AKAP9: variants seen among roughly 807,000 people sequenced by gnomAD.
The protein encoded by AKAP9 is A-kinase anchor protein 9.
In AKAP9, 311 loss-of-function variants were observed where a neutral mutation model predicts 488.5. The observed-to-expected ratio is 0.64, with a 90% CI of 0.58 to 0.70. AKAP9 has a LOEUF of 0.70. Among genes scored for constraint, AKAP9 ranks in the 30% least tolerant of loss-of-function variants. AKAP9 has a pLI of 0.00. For missense variants in AKAP9, 4,215 were observed against 4,374.5 expected (o/e 0.96, Z 1.03); for synonymous variants, 1,462 against 1,483.5 (o/e 0.99, Z 0.33).
chr7:92,069,956 G>GGGATAACTCA lies in AKAP9; in HGVS notation c.6331-73_6331-64dup, dbSNP rs1404258286. Reference sequence around the variant, plus strand: ...TTTGGATTGTAGATATCCAAAATGAGGGATAACTCAACCTATACTAACTAG... The same window carrying GGGATAACTCA: ...TTTGGATTGTAGATATCCAAAATGAGGGATAACTCAGGATAACTCAACCTATACTAACTAG... On this transcript the variant is annotated intron_variant, in intron 26 of 49. Coordinates refer to ENST00000356239, the MANE Select transcript of AKAP9 (RefSeq NM_005751.5). 1.8e-5 allele frequency: 24 copies of GGGATAACTCA among 1,330,528 alleles called. No individual in the cohort carries two copies. In the African/African-American group the frequency reaches 3.4e-4, roughly 19 times the overall value. The allele number at this position is 1,330,528 out of a possible 1,614,324, so 82.4% of individuals were successfully genotyped here. A position where few individuals can be genotyped will look rare whatever the true frequency, so the allele number is the denominator to read the frequency against.
intron 16 of AKAP9, among the ~76,000 whole-genome samples, chr7:92,033,338 G>A (rs762145119): frequency 2.6e-5 from 4 of 151,860 alleles, no homozygotes; most frequent in African/African-American, 9.7e-5. Context: ...GAATAATATA[G>A]ATTGTTGATA....
intron 30 of AKAP9, 126 bp from the exon 31 acceptor site, chr7:92,078,953 T>A (rs538913235): frequency 1.6e-6 from 1 of 608,530 alleles, no homozygotes; most frequent in East Asian, 2.9e-5. Flanking sequence ...AAGTAGTATG[T>A]CTGAGAAGTA....
At position 92,045,176 on chromosome 7, in the gene AKAP9, A is replaced by G. The variant is rs1269565211; in HGVS notation, c.5331A>G (p.Ala1777=). ...ASLIWRSEAE[A]SVKSCVHEEH... is the part of the protein sequence containing the mutation. ...TAATTTGGAGGTCAGAAGCAGAGGC[A>G]TCTGTAAAGTCATGTGTCCATGAGG... Residue 1777 remains alanine, a synonymous_variant, in exon 21 of 50, where the codon GCA becomes GCG. Transcript: ENST00000356239. 1.9e-6 allele frequency: 3 copies of G among 1,614,024 alleles called. No individual in the cohort carries two copies. Among genetic ancestry groups the G allele is most frequent in the Non-Finnish European group, 2.5e-6 (3 of 1,179,982 alleles).
intron 4 of AKAP9, 41 bp from the exon 5 acceptor site, chr7:91,992,844 A>G: frequency 6.4e-7 from 1 of 1,572,790 alleles, no homozygotes. Flanking sequence ...CCTAAGGAAT[A>G]TTGCTAATAC....
In AKAP9 at chr7:91,994,659, C is replaced by A. The variant is rs1196110304; in HGVS notation, c.615C>A (p.Gly205=). The part of the protein sequence containing the change: ...EFEAAIKQRD[G]IITQLTANLQ... ...AAGCTGCCATTAAACAAAGAGATGG[C>A]ATTATAACCCAGCTCACTGCTAATT... Residue 205 remains glycine, a synonymous_variant, in exon 6 of 50, where the codon GGC becomes GGA. Transcript: ENST00000356239. 6.2e-7 allele frequency: 1 copy of A among 1,613,118 alleles called. No individual in the cohort carries two copies. The highest frequency in any genetic ancestry group is 1.1e-5 in the South Asian group (1 of 90,884).
intron 49 of AKAP9, among the ~76,000 whole-genome samples, chr7:92,109,814 G>A (rs553566741): frequency 3.9e-4 from 59 of 152,206 alleles, no homozygotes; most frequent in South Asian, 3.1e-3. Context: ...TGCTGGACAT[G>A]GTGGCATGTG....
chr7:92,096,415 A>T (rs1210984229), intron 40 of AKAP9, among the ~76,000 whole-genome samples: 1 of 150,880 alleles, frequency 6.6e-6, no homozygotes, highest in African/African-American at 2.4e-5. Context: ...GCTCACTGCA[A>T]CCTCCACCTC....
In AKAP9 at chr7:92,009,310, C is replaced by T. The variant is rs549157959; in HGVS notation, c.3319-3119C>T. On this transcript the variant is annotated intron_variant, in intron 8 of 49. Transcript: ENST00000356239. ...CCTACGTATAGATACCAAAGAGATT[C>T]ATAAAAGTCATAAAAGAATACTATA... 7.9e-5 allele frequency among the ~76,000 whole-genome samples: 12 copies of T among 152,170 alleles called. No homozygotes were observed. In the South Asian group the frequency reaches 2.5e-3, roughly 32 times the overall value.
chr7:92,058,285 T>C (rs751439887), intron 22 of AKAP9: 8 of 584,696 alleles, frequency 1.4e-5, no homozygotes, highest in Non-Finnish European at 2.7e-5. Context: ...ATCCTTTTCC[T>C]CTTTGTGAAC....
At chr7:91,945,182 G>A (rs1374277460) in intron 1 of AKAP9, among the ~76,000 whole-genome samples, 1 of 152,036 alleles carries the variant, frequency 6.6e-6, no homozygotes, top group African/African-American at 2.4e-5. Flanking sequence ...GCAATGTAGT[G>A]AGACCCCATC....
intron 7 of AKAP9, among the ~76,000 whole-genome samples, chr7:92,000,092 A>G (rs1798958608): frequency 6.6e-6 from 1 of 152,240 alleles, no homozygotes; most frequent in Admixed American, 6.5e-5. Context: ...AGTAATCACC[A>G]TAACAGATAT....
At chr7:91,946,095 A>G in intron 1 of AKAP9, among the ~76,000 whole-genome samples, 1 of 152,192 alleles carries the variant, frequency 6.6e-6, no homozygotes, top group East Asian at 1.9e-4. Context: ...AAAAAAAAGG[A>G]TGGTGCTCCA....
chr7:92,001,059 C>CTAA lies in AKAP9; in HGVS notation c.1144_1146dup (p.Asn382dup). 1 of 1,610,838 alleles carries CTAA rather than the reference C, an allele frequency of 6.2e-7. No individual in the cohort carries two copies. ...ATAAAAAACATGAAATTAGAGCTGA[C>CTAA]TAATTCTAAGCAAAAAGAAAGACAG... On this transcript the variant is annotated inframe_insertion, in exon 8 of 50. Coordinates refer to ENST00000356239, the MANE Select transcript of AKAP9 (RefSeq NM_005751.5).
At position 92,097,085 on chromosome 7, in the gene AKAP9, A is replaced by T. The variant is rs1339642476; in HGVS notation, c.10126A>T (p.Thr3376Ser). The change falls in exon 41 of 50, where the codon ACA becomes TCA. Residue 3376 changes from threonine (T) to serine (S), a missense_variant. Coordinates refer to ENST00000356239, the MANE Select transcript of AKAP9 (RefSeq NM_005751.5). ...TEKYKLDSLQ[T>S]RQQMEKDRQV... The stretch of plus-strand genomic sequence containing the variant: ...AAAATATAAACTGGATTCTTTGCAA[A>T]CACGACAGCAAATGGAAAAAGATAG... 5.6e-6 allele frequency: 9 copies of T among 1,614,258 alleles called. No individual in the cohort carries two copies. The highest frequency in any genetic ancestry group is 7.6e-6 in the Non-Finnish European group (9 of 1,180,050).
At chr7:92,032,385 G>C (rs1179118018) in intron 16 of AKAP9, among the ~76,000 whole-genome samples, 2 of 151,676 alleles carry the variant, frequency 1.3e-5, no homozygotes, top group African/African-American at 4.8e-5. Flanking sequence ...AATCCCAGCT[G>C]TTCAGGAGGC....
At chr7:92,022,009 A>G (rs373180115) in intron 12 of AKAP9, among the ~76,000 whole-genome samples, 1 of 152,226 alleles carries the variant, frequency 6.6e-6, no homozygotes, top group Non-Finnish European at 1.5e-5. Flanking sequence ...CCTTTCAGAT[A>G]TCAAAGAACA....
chr7:92,086,293 TCAA>T lies in AKAP9; in HGVS notation c.9094_9096del (p.Gln3032del). 1 of 1,614,162 alleles carries T rather than the reference TCAA, an allele frequency of 6.2e-7. No homozygotes were observed. The highest frequency in any genetic ancestry group is 8.5e-7 in the Non-Finnish European group (1 of 1,180,004). ...GGCGAGGTGAACTACTGCTTGCCCT[TCAA>T]CAAGTTTTCTTAGAAGAGCGTAGTG... On this transcript the variant is annotated inframe_deletion, in exon 37 of 50. Transcript: ENST00000356239.
In AKAP9 at chr7:92,102,809, A is replaced by C; in HGVS notation, c.11313A>C (p.Val3771=). ...CCAGGTTTCGGTCGGCCGTCAGAGT[A>C]TCCATTGCAATTTCCAGGTAAAGAC... ...GFTRFRSAVR[V]SIAISRMKFL... Residue 3771 remains valine (V), a synonymous_variant, in exon 46 of 50, where the codon GTA becomes GTC. Transcript: ENST00000356239. 6.2e-7 allele frequency: 1 copy of C among 1,614,122 alleles called. No individual in the cohort carries two copies. Among genetic ancestry groups the C allele is most frequent in the Non-Finnish European group, 8.5e-7 (1 of 1,179,994 alleles).
rs762351088 is a variant in AKAP9, at chr7:92,079,769, A to G, written c.7636A>G (p.Ile2546Val). The stretch of plus-strand genomic sequence containing the variant: ...AAAGAAGATTGTAAACCTACAGAAA[A>G]TAGTTGAAGAAAAAGTGGCTGCTGC... ...LQKKIVNLQK[I>V]VEEKVAAALV... Residue 2546 changes from isoleucine to valine, a missense_variant, in exon 31 of 50, where the codon ATA (isoleucine) becomes GTA (valine). Transcript: ENST00000356239. 1.2e-6 allele frequency: 2 copies of G among 1,614,106 alleles called. No homozygotes were observed. The highest frequency in any genetic ancestry group is 1.7e-6 in the Non-Finnish European group (2 of 1,180,004).
Sources: gnomAD v4.1 joint callset for allele counts (sites outside exome capture counted in the v4.1 genomes callset) on GRCh38, gnomAD v4.1.1 for gene constraint, MANE v1.5 for transcripts, NCBI Gene and HGNC (gene_info 2026-07-23, HGNC 2026-07-21) for gene names.